DYNC2LI1: variants seen among roughly 807,000 people sequenced by gnomAD.
The protein encoded by DYNC2LI1 is cytoplasmic dynein 2 light intermediate chain 1.
In DYNC2LI1, 45 loss-of-function variants were observed where a neutral mutation model predicts 51.9. That is an observed-to-expected ratio of 0.87 (90% CI 0.68 to 1.11). DYNC2LI1 has a LOEUF of 1.11. DYNC2LI1 is among the 50% of genes most tolerant of loss of function. The pLI, the probability that DYNC2LI1 is intolerant of heterozygous loss-of-function variation, is 0.00. For missense variants in DYNC2LI1, 490 were observed against 417.4 expected, an observed-to-expected ratio of 1.17 and a Z score of -1.51; for synonymous variants, 130 against 137.8, an observed-to-expected ratio of 0.94 and a Z score of 0.40.
intron 8 of DYNC2LI1, among the ~76,000 whole-genome samples, chr2:43,799,908 T>C (rs931545850): frequency 6.6e-6 from 1 of 152,226 alleles, no homozygotes; most frequent in Non-Finnish European, 1.5e-5. Context: ...ATGTGTCAGA[T>C]CTTACATATA....
chr2:43,794,174 C>T, intron 5 of DYNC2LI1: 1 of 269,356 alleles, frequency 3.7e-6, no homozygotes, highest in South Asian at 8.7e-5. Flanking sequence ...ATTGTCGATG[C>T]AAATGCTTGG....
At position 43,804,642 on chromosome 2, in the gene DYNC2LI1, G is replaced by T. The variant is rs1244535027; in HGVS notation, c.803G>T (p.Gly268Val). 2 of 1,585,696 alleles carry T rather than the reference G, an allele frequency of 1.3e-6. No individual in the cohort carries two copies. The highest frequency in any genetic ancestry group is 2.3e-5 in the East Asian group (1 of 44,254). The change falls in exon 11 of 13, where the codon GGA (glycine) becomes GTA (valine). Residue 268 changes from glycine (G) to valine (V), a missense_variant and splice_region_variant. Physicochemically the swap from Gly to Val is moderately radical, Grantham distance 109 (BLOSUM62 -3). Coordinates refer to ENST00000260605, the MANE Select transcript of DYNC2LI1 (RefSeq NM_016008.4). Reference protein sequence around the residue: ...TAGLDSFGQIGSPPVPENDIG... With the variant: ...TAGLDSFGQIVSPPVPENDIG... ...TTTGTGGTAAAACTTGCTATTTTAGGATCTCCTCCTGTTCCTGAAAATGAC... is the reference window on the plus strand; with the variant it reads ...TTTGTGGTAAAACTTGCTATTTTAGTATCTCCTCCTGTTCCTGAAAATGAC...
At chr2:43,782,343 C>G (rs1382450186) in intron 2 of DYNC2LI1, among the ~76,000 whole-genome samples, 1 of 151,742 alleles carries the variant, frequency 6.6e-6, no homozygotes, top group Non-Finnish European at 1.5e-5. Flanking sequence ...TGATCGTATT[C>G]CAGATATAAT....
the DYNC2LI1 span, chr2:43,819,941 C>G: frequency 6.2e-7 from 1 of 1,614,040 alleles, no homozygotes; most frequent in Non-Finnish European, 8.5e-7. Context: ...CAACAAGCAC[C>G]CCCGCAATGG....
At chr2:43,825,079 T>C in the DYNC2LI1 span, 47 of 1,596,338 alleles carry the variant, frequency 2.9e-5, no homozygotes, top group Non-Finnish European at 1.9e-5. Context: ...ACTTTGAATG[T>C]CTCTGGGAAC....
chr2:43,797,581 A>G (rs1665925080), intron 8 of DYNC2LI1, among the ~76,000 whole-genome samples: 1 of 136,954 alleles, frequency 7.3e-6, no homozygotes, highest in Non-Finnish European at 1.5e-5. Flanking sequence ...GTATAATAGC[A>G]TGGTCTCGGC....
At chr2:43,788,543 A>C (rs1366844426) in intron 4 of DYNC2LI1, among the ~76,000 whole-genome samples, 1 of 152,194 alleles carries the variant, frequency 6.6e-6, no homozygotes, top group East Asian at 1.9e-4. Flanking sequence ...AAGTGTCTTC[A>C]GTGTCAGGAC....
Position 43,801,700 on chromosome 2 carries a change from G to C in DYNC2LI1, c.793G>C (p.Gly265Arg). Reference sequence around the variant, plus strand: ...TATCACAGCAGGATTGGATTCTTTCGGTCAAATAGGTTAGTGAACTTATTA... The same window carrying C: ...TATCACAGCAGGATTGGATTCTTTCCGTCAAATAGGTTAGTGAACTTATTA... ...LFITAGLDSF[G>R]QIGSPPVPEN... The change falls in exon 10 of 13, where the codon GGT becomes CGT. Residue 265 changes from glycine (G) to arginine (R), a missense_variant. Gly to Arg is a moderately radical substitution (Grantham distance 125). Transcript: ENST00000260605. The C allele has an allele frequency of 6.2e-7, 1 of 1,607,396 alleles. No individual in the cohort carries two copies. Among genetic ancestry groups the C allele is most frequent in the Non-Finnish European group, 8.5e-7 (1 of 1,176,316 alleles).
At chr2:43,813,037 T>C (rs911993766), downstream of DYNC2LI1, 5 of 747,890 alleles carry the variant, frequency 6.7e-6, no homozygotes, top group Admixed American at 5.6e-5. Flanking sequence ...AAGAAATACA[T>C]GGCACTCTCA....
In DYNC2LI1 at chr2:43,776,217, G is replaced by A. The variant is rs144411122; in HGVS notation, c.9-565G>A. The stretch of plus-strand genomic sequence containing the variant: ...TTTATTAGTAGTAGTAGTAGTAGTA[G>A]CAGTAGTAGAGATGGGATCTTCCTG... On this transcript the variant is annotated intron_variant, in intron 1 of 12. Coordinates refer to ENST00000260605, the MANE Select transcript of DYNC2LI1 (RefSeq NM_016008.4). 3.1e-3 allele frequency among the ~76,000 whole-genome samples: 478 copies of A among 151,998 alleles called. 5 individuals carry two copies. Among genetic ancestry groups the A allele is most frequent in the Middle Eastern group, 6.8e-3 (2 of 294 alleles).
At chr2:43,804,812 G>T in intron 11 of DYNC2LI1, 73 bp downstream of exon 11, 1 of 881,756 alleles carries the variant, frequency 1.1e-6, no homozygotes. Flanking sequence ...GTGTCAAAGG[G>T]CTTATTATGA....
At chr2:43,828,178 G>T in the DYNC2LI1 span, 13 of 1,609,268 alleles carry the variant, frequency 8.1e-6, no homozygotes, top group African/African-American at 1.3e-5. Context: ...CAATTCATGG[G>T]CTGGGGAGGA....
At chr2:43,808,781 G>T (rs1666368042) in intron 12 of DYNC2LI1, among the ~76,000 whole-genome samples, 1 of 152,028 alleles carries the variant, frequency 6.6e-6, no homozygotes, top group South Asian at 2.1e-4. Context: ...TATTTTTGCT[G>T]GCTGCCTTGG....
At chr2:43,816,629 C>T in the DYNC2LI1 span, among the ~76,000 whole-genome samples, 4 of 152,224 alleles carry the variant, frequency 2.6e-5, no homozygotes, top group South Asian at 2.1e-4. Context: ...CTGCAGCCTC[C>T]GCCTCCCAGG....
intron 2 of DYNC2LI1, among the ~76,000 whole-genome samples, chr2:43,779,171 G>C (rs560571910): frequency 6.6e-6 from 1 of 152,152 alleles, no homozygotes; most frequent in Admixed American, 6.5e-5. Flanking sequence ...ACTGAGGTGA[G>C]AGGATCACTT....
At chr2:43,781,377 AC>A (rs1673274136) in intron 2 of DYNC2LI1, among the ~76,000 whole-genome samples, 2 of 150,422 alleles carry the variant, frequency 1.3e-5, no homozygotes, top group Non-Finnish European at 1.5e-5. Context: ...AAAAAAAAAA[AC>A]AAAAAAGGCG....
At chr2:43,789,572 A>G in intron 4 of DYNC2LI1, 61 bp from the exon 5 acceptor site, 1 of 1,281,362 alleles carries the variant, frequency 7.8e-7, no homozygotes, top group Non-Finnish European at 1.1e-6. Flanking sequence ...ATTACTGGGA[A>G]GTGCTAATGA....
At chr2:43,788,436 A>G (rs903839408) in intron 4 of DYNC2LI1, among the ~76,000 whole-genome samples, 34 of 152,280 alleles carry the variant, frequency 2.2e-4, no homozygotes, top group Admixed American at 1.7e-3. Flanking sequence ...GGATATTTCC[A>G]TATTCATTCT....
chr2:43,827,297 C>G, the DYNC2LI1 span, among the ~76,000 whole-genome samples: 2 of 149,884 alleles, frequency 1.3e-5, no homozygotes, highest in South Asian at 2.1e-4. Flanking sequence ...TGCACTCCAG[C>G]CTGGGCAACA....
Sources: gnomAD v4.1 joint callset for allele counts (sites outside exome capture counted in the v4.1 genomes callset) on GRCh38, gnomAD v4.1.1 for gene constraint, MANE v1.5 for transcripts, NCBI Gene and HGNC (gene_info 2026-07-23, HGNC 2026-07-21) for gene names.